CPNE4: variants seen among roughly 807,000 people sequenced by gnomAD.
The protein encoded by CPNE4 is copine-4.
In CPNE4, 25 loss-of-function variants were observed where a neutral mutation model predicts 67.9. The ratio of observed to expected loss-of-function variants is 0.37; its 90% CI spans 0.27 to 0.51. The LOEUF is 0.51. Ranked by LOEUF, CPNE4 falls within the 20% of genes least tolerant of loss-of-function variation. The pLI is 0.93. For missense variants in CPNE4, 464 were observed against 690.8 expected, an observed-to-expected ratio of 0.67 and a Z score of 3.68; for synonymous variants, 242 against 244.9, an observed-to-expected ratio of 0.99 and a Z score of 0.11.
Position 131,847,717 on chromosome 3 carries a change from A to G in CPNE4, c.180+57547T>C, listed in dbSNP as rs974713859. Among the ~76,000 whole-genome samples, 14 of 152,210 alleles carry G rather than the reference A, an allele frequency of 9.2e-5. 1 individual carries two copies. Among genetic ancestry groups the G allele is most frequent in the Non-Finnish European group, 2.1e-4 (14 of 68,002 alleles). ...AACTCAAGCATCAAATTCCTTGTCA[A>G]GGCTGTTTCTCTTTTTTCTTAAGGG... On this transcript the variant is annotated intron_variant, in intron 2 of 15. Transcript: ENST00000429747.
intron 1 of CPNE4, among the ~76,000 whole-genome samples, chr3:131,934,488 T>C (rs1487786579): frequency 6.6e-6 from 1 of 152,198 alleles, no homozygotes; most frequent in East Asian, 1.9e-4. Flanking sequence ...TAGGTATACA[T>C]GTGCCATGGT....
intron 7 of CPNE4, among the ~76,000 whole-genome samples, chr3:131,604,615 T>C (rs1253210387): frequency 1.3e-5 from 2 of 152,120 alleles, no homozygotes; most frequent in African/African-American, 2.4e-5. Flanking sequence ...AGCCTACATC[T>C]TTCTCCCATG....
intron 1 of CPNE4, among the ~76,000 whole-genome samples, chr3:131,978,090 TATATATATAAATATATATAAA>T (rs1238649569): frequency 5.0e-4 from 17 of 34,110 alleles, no homozygotes; most frequent in African/African-American, 2.8e-3. Flanking sequence ...TATATATAAA[TATATATATAAATATATATAAA>T]ATATATATAA....
upstream of CPNE4, chr3:132,037,688 G>T: frequency 7.9e-7 from 1 of 1,260,294 alleles, no homozygotes; most frequent in Non-Finnish European, 1.1e-6. Flanking sequence ...CTTCAGCTCT[G>T]GGTAGATTCA....
At position 131,700,422 on chromosome 3, in the gene CPNE4, T is replaced by C. The variant is rs1219669009; in HGVS notation, c.361-442A>G. On this transcript the variant is annotated intron_variant, in intron 3 of 15. Transcript: ENST00000429747. ...GCTAAATATAACTTCTAGAGTTCTA[T>C]TTTTAATATATTCATTAGGAAGTCA... 2.6e-5 allele frequency among the ~76,000 whole-genome samples: 4 copies of C among 152,156 alleles called. No individual in the cohort carries two copies. In the South Asian group the frequency reaches 6.2e-4, roughly 24 times the overall value.
At chr3:131,855,881 A>C (rs2086423975) in intron 2 of CPNE4, among the ~76,000 whole-genome samples, 1 of 151,996 alleles carries the variant, frequency 6.6e-6, no homozygotes, top group Non-Finnish European at 1.5e-5. Flanking sequence ...CTAATAAACA[A>C]ATATTGAGTT....
intron 13 of CPNE4, 96 bp downstream of exon 13, chr3:131,552,344 C>A (rs887496479): frequency 2.0e-6 from 2 of 1,016,316 alleles, no homozygotes; most frequent in Admixed American, 1.9e-5. Context: ...TGTGGACAAT[C>A]GTAACTAATA....
chr3:131,926,531 G>A (rs2070900571), intron 1 of CPNE4, among the ~76,000 whole-genome samples: 1 of 152,096 alleles, frequency 6.6e-6, no homozygotes, highest in South Asian at 2.1e-4. Flanking sequence ...AACAAGAAAA[G>A]TTTCTTGAGA....
intron 2 of CPNE4, among the ~76,000 whole-genome samples, chr3:131,860,401 T>C (rs530408192): frequency 1.3e-5 from 2 of 152,294 alleles, no homozygotes; most frequent in Admixed American, 6.5e-5. Flanking sequence ...TCATTTTAAT[T>C]ATAGCTATAA....
chr3:131,783,089 T>C (rs1269021408), intron 2 of CPNE4, among the ~76,000 whole-genome samples: 4 of 151,952 alleles, frequency 2.6e-5, no homozygotes, highest in Non-Finnish European at 4.4e-5. Context: ...TGAGTACCCA[T>C]AAAAAGAAGA....
chr3:131,543,745 T>C (rs1020213094), intron 14 of CPNE4, among the ~76,000 whole-genome samples: 2 of 152,238 alleles, frequency 1.3e-5, no homozygotes, highest in Admixed American at 6.5e-5. Flanking sequence ...ATATTTCCAC[T>C]GGATGGCACT....
chr3:131,897,789 G>T (rs370054423), intron 2 of CPNE4, among the ~76,000 whole-genome samples: 1 of 152,002 alleles, frequency 6.6e-6, no homozygotes, highest in Non-Finnish European at 1.5e-5. Flanking sequence ...CTAGTTGGGA[G>T]GTTGAGGTAG....
chr3:132,014,280 G>A (rs2073841875), intron 1 of CPNE4, among the ~76,000 whole-genome samples: 1 of 152,120 alleles, frequency 6.6e-6, no homozygotes, highest in Non-Finnish European at 1.5e-5. Context: ...AAGGGGACAT[G>A]GGTAGAACAA....
At chr3:131,807,194 A>T (rs980156415) in intron 2 of CPNE4, among the ~76,000 whole-genome samples, 1 of 152,154 alleles carries the variant, frequency 6.6e-6, no homozygotes, top group Non-Finnish European at 1.5e-5. Flanking sequence ...GTGTCAGTGT[A>T]GGTATCAGGG....
At chr3:131,928,839 G>C (rs2070969953) in intron 1 of CPNE4, among the ~76,000 whole-genome samples, 1 of 152,166 alleles carries the variant, frequency 6.6e-6, no homozygotes, top group Non-Finnish European at 1.5e-5. Context: ...CCTTTGTCGG[G>C]ACATGAAAAA....
chr3:131,693,977 T>A (rs925128279), intron 5 of CPNE4, among the ~76,000 whole-genome samples: 6 of 152,190 alleles, frequency 3.9e-5, no homozygotes, highest in African/African-American at 1.4e-4. Context: ...TTTAAAATTT[T>A]CATCTATAAA....
chr3:131,596,890 C>T (rs61693199), intron 7 of CPNE4, among the ~76,000 whole-genome samples: 19,060 of 152,080 alleles, frequency 0.13, 1,560 homozygotes, highest in African/African-American at 0.23. Context: ...TTAATATATG[C>T]ACATCCTCAT....
chr3:132,033,466 TC>T (rs2074283036), intron 1 of CPNE4, among the ~76,000 whole-genome samples: 1 of 151,974 alleles, frequency 6.6e-6, no homozygotes, highest in African/African-American at 2.4e-5. Context: ...TTGCAAAGCT[TC>T]CCAGAGCACT....
intron 2 of CPNE4, among the ~76,000 whole-genome samples, chr3:131,861,402 TTGTGTGTGTGTGTGTGTGTGTGTGTGTG>T (rs5852659): frequency 1.4e-5 from 2 of 144,462 alleles, no homozygotes; most frequent in Non-Finnish European, 3.0e-5. Flanking sequence ...TATCTCATCT[TTGTGTGTGTGTGTGTGTGTGTGTGTGTG>T]TGTGTGTGTG....
Sources: allele counts gnomAD v4.1 joint callset (sites outside exome capture counted in the v4.1 genomes callset), GRCh38; gene constraint gnomAD v4.1.1; transcripts MANE v1.5; gene names NCBI Gene and HGNC (gene_info 2026-07-23, HGNC 2026-07-21).